The following GMFB variants were observed in gnomAD, a reference collection of about 807,000 sequenced individuals.
GMFB encodes the protein glia maturation factor beta.
A neutral mutation model predicts 25.6 loss-of-function variants in GMFB; 13 were observed. The ratio of observed to expected loss-of-function variants is 0.51; its 90% CI spans 0.33 to 0.81. The LOEUF (loss-of-function observed/expected upper bound fraction) is 0.81, where lower values mean the gene tolerates loss of function less well. GMFB is among the 30% of genes least tolerant of loss of function. The pLI is 0.02. For missense variants in GMFB, 146 were observed against 175.4 expected (o/e 0.83, Z 0.95); for synonymous variants, 57 against 56.9 (o/e 1.00, Z 0.00).
At chr14:54,488,384 A>G (rs1211488154) in intron 1 of GMFB, among the ~76,000 whole-genome samples, 1 of 152,248 alleles carries the variant, frequency 6.6e-6, no homozygotes, top group Non-Finnish European at 1.5e-5. Flanking sequence ...GAAAGCAAAG[A>G]TAAGGAGAAA....
At chr14:54,488,882 C>A in intron 1 of GMFB, 43 bp downstream of exon 1, 1 of 1,534,308 alleles carries the variant, frequency 6.5e-7, no homozygotes, top group Admixed American at 2.0e-5. Flanking sequence ...GGCTGGCCGG[C>A]TCGCCCAGCC....
chr14:54,484,738 AC>A (rs1166304351), intron 1 of GMFB, among the ~76,000 whole-genome samples: 1 of 152,194 alleles, frequency 6.6e-6, no homozygotes, highest in Non-Finnish European at 1.5e-5. Context: ...ACAAAAAAAA[AC>A]TATAGGTCAA....
At chr14:54,488,867 A>C in intron 1 of GMFB, 58 bp downstream of exon 1, 1 of 1,496,258 alleles carries the variant, frequency 6.7e-7, no homozygotes, top group Non-Finnish European at 9.0e-7. Context: ...AAACCGGGAA[A>C]ACCCGGCTGG....
Position 54,487,878 on chromosome 14 carries a change from C to A in GMFB, c.3+1047G>T, listed in dbSNP as rs139154909. On this transcript the variant is annotated intron_variant, in intron 1 of 6. Coordinates refer to ENST00000358056, the MANE Select transcript of GMFB (RefSeq NM_004124.3). ...ATTAGGATGAAACCTGGGACTCCTT[C>A]GAGCATTGTCCAGGGAAAGGAGAAT... Among the ~76,000 whole-genome samples the A allele has an allele frequency of 1.3e-3, 191 of 152,220 alleles. 1 individual carries two copies. The highest frequency in any genetic ancestry group is 4.4e-3 in the African/African-American group (183 of 41,524).
rs1303602056 is a variant in GMFB, at chr14:54,475,187, A to C, written c.*2901T>G. 1.3e-5 allele frequency: 2 copies of C among 152,614 alleles called. No individual in the cohort carries two copies. The highest frequency in any genetic ancestry group is 4.8e-5 in the African/African-American group (2 of 41,464). 9.5% of individuals were successfully genotyped at this position (152,614 alleles called of 1,614,324 possible). On this transcript the variant is annotated 3_prime_UTR_variant, in exon 7 of 7. Transcript: ENST00000358056. ...GGATTAATGACATTGCTCAGGTTTT[A>C]AAAGCAGTCCAAACATTTTTTAAGT... is the stretch of plus-strand genomic sequence containing the variant.
chr14:54,480,527 C>T (rs913118628), intron 5 of GMFB: 1 of 181,190 alleles, frequency 5.5e-6, no homozygotes, highest in South Asian at 1.3e-4. Context: ...CAAATATATG[C>T]AATTATATGT....
chr14:54,479,079 A>C (rs1177443079), intron 6 of GMFB: 1 of 152,172 alleles, frequency 6.6e-6, no homozygotes, highest in Non-Finnish European at 1.5e-5. Context: ...AAGGCATTCC[A>C]GAGTTGATTA....
In GMFB at chr14:54,480,921, T is replaced by C; in HGVS notation, c.236A>G (p.Asp79Gly). The C allele has an allele frequency of 6.5e-7, 1 of 1,538,868 alleles. No individual in the cohort carries two copies. The highest frequency in any genetic ancestry group is 8.9e-7 in the Non-Finnish European group (1 of 1,120,358). ...GCACAGAGGATATGAAACTCTTCCA[T>C]CATCATGTTGATATTTATAACTATA... ...IVYSYKYQHD[D>G]GRVSYPLCFI... is the part of the protein sequence containing the mutation. The change falls in exon 5 of 7, where the codon GAT becomes GGT. Residue 79 changes from aspartate (D) to glycine (G), a missense_variant. Physicochemically the swap from Asp to Gly is moderately conservative, Grantham distance 94 (BLOSUM62 -1). Coordinates refer to ENST00000358056, the MANE Select transcript of GMFB (RefSeq NM_004124.3).
intron 4 of GMFB, chr14:54,481,194 C>T (rs2031706327): frequency 3.5e-6 from 2 of 571,430 alleles, no homozygotes; most frequent in South Asian, 2.5e-5. Context: ...TTTTATTGTA[C>T]ACGTTATAAT....
In GMFB at chr14:54,475,470, TTAG is replaced by T. The variant is rs1261436552; in HGVS notation, c.*2615_*2617del. 1.3e-5 allele frequency: 2 copies of T among 152,580 alleles called. No homozygotes were observed. The highest frequency in any genetic ancestry group is 1.9e-4 in the East Asian group (1 of 5,204). The allele number at this position is 152,580 out of a possible 1,614,324, so 9.5% of individuals were successfully genotyped here. On this transcript the variant is annotated 3_prime_UTR_variant, in exon 7 of 7. Coordinates refer to ENST00000358056, the MANE Select transcript of GMFB (RefSeq NM_004124.3). ...GAGTATGTTTAACTGCACTAGGCAT[TTAG>T]TAAACTTTTAGAACTAGACAATTTG...
chr14:54,485,335 G>T (rs1364038976), intron 1 of GMFB, among the ~76,000 whole-genome samples: 1 of 150,260 alleles, frequency 6.7e-6, no homozygotes, highest in South Asian at 2.1e-4. Flanking sequence ...TAAAGTTTAG[G>T]ATACAAAATC....
In GMFB at chr14:54,477,451, G is replaced by T. The variant is rs1205890303; in HGVS notation, c.*637C>A. On this transcript the variant is annotated 3_prime_UTR_variant, in exon 7 of 7. Transcript: ENST00000358056. ...ACCCACCAATTTCTAAGACTAAGAT[G>T]CTATAAGGAGAAAAGCTAACAGTCA... is the stretch of plus-strand genomic sequence containing the variant. 1 of 152,274 alleles carries T rather than the reference G, an allele frequency of 6.6e-6. No individual in the cohort carries two copies. Among genetic ancestry groups the T allele is most frequent in the African/African-American group, 2.4e-5 (1 of 41,412 alleles). The allele number at this position is 152,274 out of a possible 1,614,324, so 9.4% of individuals were successfully genotyped here.
chr14:54,479,048 G>C (rs1336076546), intron 6 of GMFB: 2 of 152,026 alleles, frequency 1.3e-5, no homozygotes, highest in Non-Finnish European at 2.9e-5. Context: ...TGGGCTAAGG[G>C]GAAACAGCAG....
intron 3 of GMFB, among the ~76,000 whole-genome samples, chr14:54,481,661 T>A (rs2031712925): frequency 6.6e-6 from 1 of 152,136 alleles, no homozygotes; most frequent in African/African-American, 2.4e-5. Context: ...CTTGGTTTCA[T>A]TCCATTTATT....
chr14:54,483,840 A>C, intron 1 of GMFB, 73 bp from the exon 2 acceptor site: 1 of 822,300 alleles, frequency 1.2e-6, no homozygotes, highest in Non-Finnish European at 2.1e-6. Flanking sequence ...ATGAAACCTA[A>C]TACCTTTATA....
At chr14:54,485,854 T>G (rs1260896821) in intron 1 of GMFB, among the ~76,000 whole-genome samples, 1 of 152,196 alleles carries the variant, frequency 6.6e-6, no homozygotes, top group Non-Finnish European at 1.5e-5. Context: ...TACACATTTA[T>G]AGCCAACTCA....
chr14:54,484,232 A>G (rs1281343089), intron 1 of GMFB, among the ~76,000 whole-genome samples: 1 of 152,128 alleles, frequency 6.6e-6, no homozygotes, highest in African/African-American at 2.4e-5. Flanking sequence ...AAAAAAATAT[A>G]AGCAACAAAA....
rs766036499 is a variant in GMFB, at chr14:54,475,077, A to C, written c.*3011T>G. On this transcript the variant is annotated 3_prime_UTR_variant, in exon 7 of 7. Coordinates refer to ENST00000358056, the MANE Select transcript of GMFB (RefSeq NM_004124.3). ...AACCATAGTAAGAATACTTGAATTGATAGAATATGAGTTACTCTCTACTTC... is the reference window on the plus strand; with the variant it reads ...AACCATAGTAAGAATACTTGAATTGCTAGAATATGAGTTACTCTCTACTTC... The C allele has an allele frequency of 2.6e-5, 4 of 152,618 alleles. No homozygotes were observed. Among genetic ancestry groups the C allele is most frequent in the African/African-American group, 4.8e-5 (2 of 41,450 alleles). 9.5% of individuals were successfully genotyped at this position (152,618 alleles called of 1,614,324 possible). A position where few individuals can be genotyped will look rare whatever the true frequency, so the allele number is the denominator to read the frequency against.
rs1420428300 is a variant in GMFB, at chr14:54,477,075, A to G, written c.*1013T>C. On this transcript the variant is annotated 3_prime_UTR_variant, in exon 7 of 7. Transcript: ENST00000358056. ...TTTCCTATGGCACAAAACTAACCAC[A>G]AGTATACCCAAAATTATAACTCTCG... 6.6e-6 allele frequency: 1 copy of G among 152,228 alleles called. No individual in the cohort carries two copies. The highest frequency in any genetic ancestry group is 1.5e-5 in the Non-Finnish European group (1 of 67,912). The allele number at this position is 152,228 out of a possible 1,614,324, so 9.4% of individuals were successfully genotyped here.
Sources: allele counts gnomAD v4.1 joint callset (sites outside exome capture counted in the v4.1 genomes callset), GRCh38; gene constraint gnomAD v4.1.1; transcripts MANE v1.5; gene names NCBI Gene and HGNC (gene_info 2026-07-23, HGNC 2026-07-21).